Variants in TBL1X observed in about 807,000 individuals in gnomAD.
TBL1X encodes transducin beta like 1 X-linked.
A neutral mutation model predicts 50.7 loss-of-function variants in TBL1X; 10 were observed. That is an observed-to-expected ratio of 0.20 (90% CI 0.12 to 0.33). TBL1X has a LOEUF of 0.33. TBL1X is among the 10% of genes least tolerant of loss of function. TBL1X has a pLI of 1.00. For missense variants in TBL1X, 340 were observed against 504.4 expected (o/e 0.67, Z 3.12); for synonymous variants, 190 against 214.7 (o/e 0.88, Z 1.01).
intron 2 of TBL1X, among the ~76,000 whole-genome samples, chrX:9,606,024 T>C (rs2082581281): frequency 8.9e-6 from 1 of 112,330 alleles, no homozygotes; most frequent in Non-Finnish European, 1.9e-5. Context: ...TGAATCCAGG[T>C]GCAGCATAAC....
chrX:9,713,090 A>G (rs1208413648), intron 16 of TBL1X, among the ~76,000 whole-genome samples: 1 of 110,822 alleles, frequency 9.0e-6, no homozygotes, highest in African/African-American at 3.3e-5. Context: ...TTCACTGGCA[A>G]GGGGTCCACT....
chrX:9,479,377 C>T (rs1357541599), intron 1 of TBL1X, among the ~76,000 whole-genome samples: 2 of 112,032 alleles, frequency 1.8e-5, no homozygotes, highest in South Asian at 3.6e-4. Flanking sequence ...ACCTGGGAGG[C>T]GGAGGTTGCA....
At position 9,503,822 on chromosome X, in the gene TBL1X, C is replaced by T. The variant is rs760096211; in HGVS notation, c.-131+1973C>T. ...CCTCAGCCCATAGGGGAGGGGTGGC[C>T]GCAGTCTCTGCTGACCAGCAGATTT... On this transcript the variant is annotated intron_variant, in intron 2 of 17. Transcript: ENST00000645353. 2.7e-5 allele frequency among the ~76,000 whole-genome samples: 3 copies of T among 112,857 alleles called. No individual in the cohort carries two copies. The East Asian group carries it at 8.4e-4, about 32-fold the overall frequency.
intron 17 of TBL1X, among the ~76,000 whole-genome samples, chrX:9,715,364 TTGTC>T (rs1314013352): frequency 9.0e-6 from 1 of 111,679 alleles, no homozygotes; most frequent in Non-Finnish European, 1.9e-5. Context: ...ACTTTTATCT[TTGTC>T]TGAACATCAT....
rs182275710 is a variant in TBL1X, at chrX:9,567,147, G to C, written c.-131+65298G>C. 8.1e-5 allele frequency among the ~76,000 whole-genome samples: 9 copies of C among 111,801 alleles called. No homozygotes were observed. In the East Asian group the frequency reaches 2.3e-3, roughly 28 times the overall value. On this transcript the variant is annotated intron_variant, in intron 2 of 17. Coordinates refer to ENST00000645353, the MANE Select transcript of TBL1X (RefSeq NM_005647.4). ...TAGAAGTTCTCAGCATCCTCTGCCAGGGGCGTGTACCCTTAGTAAGCTTAG... is the reference window on the plus strand; with the variant it reads ...TAGAAGTTCTCAGCATCCTCTGCCACGGGCGTGTACCCTTAGTAAGCTTAG...
At chrX:9,629,865 G>C (rs976094976) in intron 2 of TBL1X, among the ~76,000 whole-genome samples, 2 of 110,655 alleles carry the variant, frequency 1.8e-5, no homozygotes, top group Non-Finnish European at 3.8e-5. Context: ...ATCGCTGATC[G>C]CCGGTTGTAT....
chrX:9,552,243 T>G (rs1433818806), intron 2 of TBL1X, among the ~76,000 whole-genome samples: 2 of 111,588 alleles, frequency 1.8e-5, no homozygotes, highest in East Asian at 2.8e-4. Flanking sequence ...TACTGGTGTT[T>G]TGTGCGGTCA....
intron 5 of TBL1X, among the ~76,000 whole-genome samples, chrX:9,675,045 T>A (rs753341896): frequency 1.8e-5 from 2 of 112,192 alleles, no homozygotes; most frequent in African/African-American, 6.5e-5. Flanking sequence ...TAAATAGCTA[T>A]TAAATTTCAA....
At chrX:9,578,433 GA>G (rs1156299569) in intron 2 of TBL1X, among the ~76,000 whole-genome samples, 1 of 111,297 alleles carries the variant, frequency 9.0e-6, no homozygotes, top group Non-Finnish European at 1.9e-5. Flanking sequence ...CTGGTATTGA[GA>G]AGCACGTGCT....
intron 2 of TBL1X, among the ~76,000 whole-genome samples, chrX:9,585,325 GCCACCCCCCTCCCCT>G (rs1239974105): frequency 1.3e-5 from 1 of 78,678 alleles, no homozygotes; most frequent in Non-Finnish European, 2.3e-5. Flanking sequence ...AGAGCTCCAT[GCCACCCCCCTCCCCT>G]CCCCCCCCCG....
At chrX:9,619,983 T>C (rs2082658609) in intron 2 of TBL1X, among the ~76,000 whole-genome samples, 1 of 112,363 alleles carries the variant, frequency 8.9e-6, no homozygotes, top group Non-Finnish European at 1.9e-5. Flanking sequence ...CAGTAATGTG[T>C]GAAGTCTAGT....
intron 1 of TBL1X, among the ~76,000 whole-genome samples, chrX:9,492,894 T>TGTGTGTGTGTGTGTGTGTAG (rs796965171): frequency 8.3e-5 from 2 of 24,171 alleles, no homozygotes; most frequent in African/African-American, 2.0e-4. Flanking sequence ...TGTGTGTGTG[T>TGTGTGTGTGTGTGTGTGTAG]GTGTAGGGGA....
chrX:9,561,291 T>A (rs1489899815), intron 2 of TBL1X, among the ~76,000 whole-genome samples: 1 of 111,634 alleles, frequency 9.0e-6, no homozygotes, highest in African/African-American at 3.3e-5. Flanking sequence ...TTTACAGGAG[T>A]TCCGCAGCGT....
intron 2 of TBL1X, among the ~76,000 whole-genome samples, chrX:9,604,211 T>C (rs1180726771): frequency 2.7e-5 from 3 of 111,632 alleles, no homozygotes; most frequent in African/African-American, 9.8e-5. Flanking sequence ...TTAGACACTT[T>C]GGCAGGGTGG....
chrX:9,610,998 A>G (rs6640462), intron 2 of TBL1X, among the ~76,000 whole-genome samples: 7,595 of 111,785 alleles, frequency 0.068, 243 homozygotes, highest in Middle Eastern at 0.13. Context: ...AAATCCTCGG[A>G]GAAATGGCCA....
At chrX:9,713,307 A>G (rs1367363074) in intron 16 of TBL1X, among the ~76,000 whole-genome samples, 1 of 111,441 alleles carries the variant, frequency 9.0e-6, no homozygotes, top group Admixed American at 9.5e-5. Flanking sequence ...GTGGATTTGT[A>G]AAAAGAACAC....
chrX:9,655,706 G>A lies in TBL1X; in HGVS notation c.211+1384G>A, dbSNP rs145430038. On this transcript the variant is annotated intron_variant, in intron 5 of 17. Transcript: ENST00000645353. The stretch of plus-strand genomic sequence containing the variant: ...AAGGAAACCCCAGTTCCTAGGCCCC[G>A]TCCTCCCAGAGATGCATGTATTCGA... 2.7e-3 allele frequency among the ~76,000 whole-genome samples: 300 copies of A among 111,710 alleles called. 2 individuals are homozygous for A. Among genetic ancestry groups the A allele is most frequent in the African/African-American group, 9.5e-3 (291 of 30,768 alleles).
chrX:9,670,287 C>CA (rs2082953220), intron 5 of TBL1X, among the ~76,000 whole-genome samples: 1 of 110,843 alleles, frequency 9.0e-6, no homozygotes, highest in Admixed American at 9.6e-5. Context: ...TGTGGCCCCC[C>CA]CTACTGAGGA....
At chrX:9,595,083 T>C (rs188419191) in intron 2 of TBL1X, among the ~76,000 whole-genome samples, 13 of 112,068 alleles carry the variant, frequency 1.2e-4, no homozygotes, top group African/African-American at 4.2e-4. Flanking sequence ...AGGGGACATC[T>C]TCCTGTCTCC....
Sources: gnomAD v4.1 joint callset for allele counts (sites outside exome capture counted in the v4.1 genomes callset) on GRCh38, gnomAD v4.1.1 for gene constraint, MANE v1.5 for transcripts, NCBI Gene and HGNC (gene_info 2026-07-23, HGNC 2026-07-21) for gene names.